The following TPTE2 variants were observed in gnomAD, a reference collection of about 807,000 sequenced individuals.
TPTE2 encodes phosphatidylinositol 3,4,5-trisphosphate 3-phosphatase TPTE2.
Under a neutral mutation model 78.6 loss-of-function variants are expected in TPTE2, and 53 were observed. The observed-to-expected ratio is 0.67, with a 90% CI of 0.54 to 0.85. The LOEUF (loss-of-function observed/expected upper bound fraction) is 0.85. TPTE2 is among the 40% of genes least tolerant of loss of function. The pLI is 0.00. For missense variants in TPTE2, 461 were observed against 623.0 expected, an observed-to-expected ratio of 0.74 and a Z score of 2.77; for synonymous variants, 175 against 206.2, an observed-to-expected ratio of 0.85 and a Z score of 1.30.
chr13:19,497,462 C>A (rs1268224349), intron 1 of TPTE2, among the ~76,000 whole-genome samples: 1 of 111,896 alleles, frequency 8.9e-6, no homozygotes, highest in Non-Finnish European at 2.0e-5. Flanking sequence ...TGAGAACGGG[C>A]AGACTGCCTC....
chr13:19,507,008 A>T (rs1042675397), upstream of TPTE2, among the ~76,000 whole-genome samples: 1 of 152,186 alleles, frequency 6.6e-6, no homozygotes, highest in Non-Finnish European at 1.5e-5. Context: ...TACATACAGA[A>T]GCTGAAACTA....
upstream of TPTE2, among the ~76,000 whole-genome samples, chr13:19,508,203 G>T (rs1443790817): frequency 2.0e-5 from 3 of 152,190 alleles, no homozygotes; most frequent in Non-Finnish European, 4.4e-5. Context: ...AAGAACAGCA[G>T]CAGACTTTGT....
chr13:19,550,160 TA>T, the TPTE2 span, among the ~76,000 whole-genome samples: 2,967 of 140,448 alleles, frequency 0.021, 61 homozygotes, highest in African/African-American at 0.057. Context: ...AAGTTGGAAA[TA>T]AAAAAAAAAT....
intron 4 of TPTE2, among the ~76,000 whole-genome samples, chr13:19,477,051 T>C (rs965608377): frequency 4.6e-5 from 7 of 152,194 alleles, no homozygotes; most frequent in Non-Finnish European, 8.8e-5. Context: ...AATGAGATCA[T>C]GTATTTTGTG....
At chr13:19,538,332 T>C (rs1375850126), upstream of TPTE2, among the ~76,000 whole-genome samples, 2 of 151,932 alleles carry the variant, frequency 1.3e-5, no homozygotes, top group African/African-American at 4.8e-5. Context: ...GCCATTCTCC[T>C]GCCTCAGCCT....
chr13:19,502,355 T>C (rs1868644263), intron 1 of TPTE2, among the ~76,000 whole-genome samples: 1 of 151,436 alleles, frequency 6.6e-6, no homozygotes, highest in South Asian at 2.1e-4. Flanking sequence ...ACACGTATAT[T>C]TATTGTGGCA....
chr13:19,458,726 T>G, intron 10 of TPTE2: 1 of 456,404 alleles, frequency 2.2e-6, no homozygotes, highest in South Asian at 1.6e-5. Context: ...CATATTTAAT[T>G]CTCTCTTTCA....
intron 10 of TPTE2, among the ~76,000 whole-genome samples, chr13:19,463,235 C>A (rs1879055556): frequency 6.6e-6 from 1 of 152,246 alleles, no homozygotes; most frequent in South Asian, 2.1e-4. Flanking sequence ...ACTGCCTTGG[C>A]CTCCCAAAGT....
At chr13:19,440,445 A>G (rs1877414668) in intron 13 of TPTE2, among the ~76,000 whole-genome samples, 1 of 152,122 alleles carries the variant, frequency 6.6e-6, no homozygotes, top group South Asian at 2.1e-4. Context: ...AAAACACTCA[A>G]GAAACTAGGA....
chr13:19,553,528 T>C, the TPTE2 span, among the ~76,000 whole-genome samples: 2 of 152,100 alleles, frequency 1.3e-5, no homozygotes, highest in African/African-American at 2.4e-5. Context: ...CAAATGTGGG[T>C]TGTAATCTGG....
chr13:19,549,119 C>CAAA, the TPTE2 span, among the ~76,000 whole-genome samples: 1 of 133,334 alleles, frequency 7.5e-6, no homozygotes, highest in Non-Finnish European at 1.6e-5. Flanking sequence ...AACTCTGTCT[C>CAAA]AAAAAAAAAA....
chr13:19,449,929 C>T (rs1420479363), intron 13 of TPTE2, 147 bp downstream of exon 16: 4 of 718,998 alleles, frequency 5.6e-6, no homozygotes, highest in Non-Finnish European at 6.7e-6. Flanking sequence ...TTTCCTTTCT[C>T]CTTCCCTTCT....
At chr13:19,495,737 T>A (rs962198669) in intron 1 of TPTE2, among the ~76,000 whole-genome samples, 3 of 152,234 alleles carry the variant, frequency 2.0e-5, no homozygotes, top group Admixed American at 6.5e-5. Flanking sequence ...TACTCTCAAT[T>A]CATACACAGG....
chr13:19,495,021 G>T (rs182316435), intron 1 of TPTE2, among the ~76,000 whole-genome samples: 240 of 151,890 alleles, frequency 1.6e-3, no homozygotes, highest in Non-Finnish European at 2.7e-3. Context: ...TTAAGTAAGG[G>T]TATCTACACC....
chr13:19,464,129 C>A (rs1022319378), intron 10 of TPTE2, among the ~76,000 whole-genome samples: 1 of 152,084 alleles, frequency 6.6e-6, no homozygotes, highest in Non-Finnish European at 1.5e-5. Flanking sequence ...CTCAGATGAC[C>A]CAGTAGCTGC....
At chr13:19,466,873 T>G (rs544089634) in intron 7 of TPTE2, among the ~76,000 whole-genome samples, 12 of 152,330 alleles carry the variant, frequency 7.9e-5, no homozygotes, top group African/African-American at 2.9e-4. Flanking sequence ...GATAAGAATA[T>G]TATACTTGAT....
At chr13:19,493,418 G>T in intron 2 of TPTE2, 30 bp downstream of exon 5, 2 of 1,609,368 alleles carry the variant, frequency 1.2e-6, no homozygotes, top group Non-Finnish European at 1.7e-6. Flanking sequence ...TATGCTGACG[G>T]GTGACTTTAT....
intron 1 of TPTE2, among the ~76,000 whole-genome samples, chr13:19,524,341 T>C (rs117595486): frequency 2.6e-5 from 4 of 152,332 alleles, no homozygotes; most frequent in Non-Finnish European, 5.9e-5. Context: ...AGGCTGGAAT[T>C]TGAATTTACA....
chr13:19,459,426 G>A (rs1878746441), intron 10 of TPTE2, among the ~76,000 whole-genome samples: 1 of 152,182 alleles, frequency 6.6e-6, no homozygotes, highest in African/African-American at 2.4e-5. Flanking sequence ...GCAGGAGGTG[G>A]CTGGAGACCC....
Sources: gnomAD v4.1 joint callset for allele counts (sites outside exome capture counted in the v4.1 genomes callset) on GRCh38, gnomAD v4.1.1 for gene constraint, MANE v1.5 for transcripts, NCBI Gene and HGNC (gene_info 2026-07-23, HGNC 2026-07-21) for gene names.